MYO5B: variants seen among roughly 807,000 people sequenced by gnomAD.
The protein encoded by MYO5B is myosin VB.
MYO5B carries 143 observed loss-of-function variants against 229.3 expected under a neutral mutation model. The ratio of observed to expected loss-of-function variants is 0.62; its 90% confidence interval spans 0.54 to 0.72. MYO5B has a LOEUF of 0.72. MYO5B is among the 30% of genes least tolerant of loss of function. The pLI is 0.00. For synonymous variants in MYO5B, 918 were observed against 885.2 expected (o/e 1.04, Z -0.66); for missense variants, 2,321 against 2,331.0 (o/e 1.00, Z 0.09).
intron 14 of MYO5B, 86 bp from the exon 15 acceptor site, chr18:49,937,483 C>T (rs2025264542): frequency 6.7e-7 from 1 of 1,490,696 alleles, no homozygotes; most frequent in South Asian, 1.2e-5. Context: ...CAACATATAC[C>T]TGAGAACGGA....
At chr18:50,185,301 AAG>A (rs1555667725) in intron 1 of MYO5B, among the ~76,000 whole-genome samples, 4 of 151,472 alleles carry the variant, frequency 2.6e-5, no homozygotes, top group Non-Finnish European at 4.4e-5. Context: ...AAAAAAAAAA[AAG>A]AGAGAGAGAG....
intron 22 of MYO5B, among the ~76,000 whole-genome samples, chr18:49,885,475 T>C (rs1284143301): frequency 2.6e-5 from 4 of 152,146 alleles, no homozygotes; most frequent in Non-Finnish European, 5.9e-5. Flanking sequence ...CTAGACTTCA[T>C]GGCATTAAAA....
chr18:50,082,246 C>A (rs1360585048), intron 1 of MYO5B, among the ~76,000 whole-genome samples: 4 of 152,150 alleles, frequency 2.6e-5, no homozygotes, highest in African/African-American at 9.7e-5. Flanking sequence ...AACCATGGAC[C>A]AAATCCTATT....
intron 17 of MYO5B, among the ~76,000 whole-genome samples, chr18:49,918,032 G>A (rs1456702609): frequency 2.0e-5 from 3 of 152,238 alleles, no homozygotes; most frequent in Non-Finnish European, 4.4e-5. Context: ...CTGGAAAGAT[G>A]TTTCCTTGTA....
intron 4 of MYO5B, among the ~76,000 whole-genome samples, chr18:50,004,254 G>T (rs150283533): frequency 6.6e-6 from 1 of 152,286 alleles, no homozygotes; most frequent in Admixed American, 6.5e-5. Flanking sequence ...TCAAGGCAAC[G>T]GAACAGTAAA....
At chr18:49,885,393 G>C (rs1271897720) in intron 22 of MYO5B, among the ~76,000 whole-genome samples, 1 of 152,156 alleles carries the variant, frequency 6.6e-6, no homozygotes, top group Admixed American at 6.5e-5. Context: ...ACGTGGAGCA[G>C]AGGAGAGATG....
intron 1 of MYO5B, among the ~76,000 whole-genome samples, chr18:50,178,527 A>G (rs768794250): frequency 3.3e-5 from 5 of 152,254 alleles, no homozygotes; most frequent in Non-Finnish European, 5.9e-5. Flanking sequence ...CACAAAAAGC[A>G]TAAGGCAAGA....
intron 10 of MYO5B, among the ~76,000 whole-genome samples, chr18:49,964,822 G>A (rs1194699005): frequency 6.6e-6 from 1 of 152,194 alleles, no homozygotes; most frequent in African/African-American, 2.4e-5. Context: ...TCCAATGTGT[G>A]CAATATGGCC....
At chr18:50,173,493 C>T (rs1475511258) in intron 1 of MYO5B, among the ~76,000 whole-genome samples, 9 of 152,062 alleles carry the variant, frequency 5.9e-5, no homozygotes, top group Non-Finnish European at 1.0e-4. Context: ...CTGGCTGCTG[C>T]ACAGAGAACA....
At chr18:49,859,338 C>G (rs1171112435) in intron 29 of MYO5B, among the ~76,000 whole-genome samples, 1 of 152,246 alleles carries the variant, frequency 6.6e-6, no homozygotes, top group African/African-American at 2.4e-5. Context: ...ATAATATTTA[C>G]TTGGCCTCTG....
chr18:50,109,402 A>G lies in MYO5B; in HGVS notation c.28-54024T>C, dbSNP rs189237441. Among the ~76,000 whole-genome samples the G allele has an allele frequency of 3.3e-3, 504 of 151,484 alleles. 2 individuals carry two copies. The highest frequency in any genetic ancestry group is 6.8e-3 in the Middle Eastern group (2 of 294). On this transcript the variant is annotated intron_variant, in intron 1 of 39. Coordinates refer to ENST00000285039, the MANE Select transcript of MYO5B (RefSeq NM_001080467.3). ...TCACCAACTTGTCAATCTTATCACA[A>G]CTGGTCCGCTGGTCATGATTTTTCT... is the stretch of plus-strand genomic sequence containing the variant.
intron 4 of MYO5B, among the ~76,000 whole-genome samples, chr18:50,012,505 C>T (rs1568070272): frequency 6.6e-6 from 1 of 152,210 alleles, no homozygotes; most frequent in Non-Finnish European, 1.5e-5. Flanking sequence ...ACTGGACTTA[C>T]ATTGTTGACA....
intron 1 of MYO5B, among the ~76,000 whole-genome samples, chr18:50,092,193 T>G (rs1186828375): frequency 6.6e-6 from 1 of 152,102 alleles, no homozygotes; most frequent in African/African-American, 2.4e-5. Flanking sequence ...GGATTTCAAG[T>G]AAGAGGCTCA....
rs755191876 is a variant in MYO5B at position 49,990,416 on chromosome 18, T to C, written c.838+23A>G. ...TGGAGCAGTAGCCCACCCCAGAGGA[T>C]AGGCATGCACCTGTTGACTTACTTA... On this transcript the variant is annotated intron_variant, in intron 7 of 39. Coordinates refer to ENST00000285039, the MANE Select transcript of MYO5B (RefSeq NM_001080467.3). The C allele has an allele frequency of 4.5e-5, 72 of 1,599,554 alleles. No individual in the cohort carries two copies. In the Admixed American group the frequency reaches 1.2e-3, roughly 26 times the overall value.
chr18:49,828,560 C>T (rs1261955834), intron 39 of MYO5B, among the ~76,000 whole-genome samples: 1 of 152,106 alleles, frequency 6.6e-6, no homozygotes, highest in Non-Finnish European at 1.5e-5. Context: ...AGGCCATGAA[C>T]AACACTATAA....
intron 1 of MYO5B, among the ~76,000 whole-genome samples, chr18:50,149,403 C>A (rs1286486376): frequency 6.6e-6 from 1 of 151,088 alleles, no homozygotes; most frequent in Non-Finnish European, 1.5e-5. Context: ...AAGAACAAAG[C>A]TGGAGGCATC....
At chr18:49,991,065 C>A (rs1053289353) in intron 6 of MYO5B, among the ~76,000 whole-genome samples, 2 of 151,970 alleles carry the variant, frequency 1.3e-5, no homozygotes, top group African/African-American at 4.8e-5. Flanking sequence ...GAGGCCTGAG[C>A]GAAGAGAGCT....
intron 31 of MYO5B, among the ~76,000 whole-genome samples, chr18:49,853,100 G>A (rs1448028324): frequency 2.0e-5 from 3 of 152,158 alleles, no homozygotes; most frequent in Non-Finnish European, 4.4e-5. Flanking sequence ...TTGATCAATG[G>A]GCAGAAGCAA....
chr18:50,167,257 A>C (rs1039126348), intron 1 of MYO5B, among the ~76,000 whole-genome samples: 2 of 152,214 alleles, frequency 1.3e-5, no homozygotes, highest in Admixed American at 6.5e-5. Context: ...AACTCAAAGG[A>C]TATTACTGAG....
Sources: allele counts gnomAD v4.1 joint callset (sites outside exome capture counted in the v4.1 genomes callset), GRCh38; gene constraint gnomAD v4.1.1; transcripts MANE v1.5; gene names NCBI Gene and HGNC (gene_info 2026-07-23, HGNC 2026-07-21).